Variants in RYR2 observed in about 807,000 individuals in gnomAD.
RYR2 encodes the protein ryanodine receptor 2, also known as cardiac muscle ryanodine receptor-calcium release channel.
A neutral mutation model predicts 601.1 loss-of-function variants in RYR2; 227 were observed. That is an observed-to-expected ratio of 0.38 (90% confidence interval 0.34 to 0.42). RYR2 has a LOEUF of 0.42. RYR2 is among the 10% of genes least tolerant of loss of function. The pLI is 1.00. For synonymous variants in RYR2, 2,223 were observed against 2,175.1 expected (o/e 1.02, Z -0.61); for missense variants, 4,646 against 6,156.5 (o/e 0.75, Z 8.21).
intron 63 of RYR2, among the ~76,000 whole-genome samples, chr1:237,689,806 A>G (rs1483657674): frequency 6.6e-6 from 1 of 151,062 alleles, no homozygotes; most frequent in Admixed American, 6.6e-5. Context: ...TTAATCAAAC[A>G]TCTAGTACAG....
intron 72 of RYR2, among the ~76,000 whole-genome samples, 187 bp downstream of exon 72, chr1:237,717,555 T>C (rs1487865105): frequency 6.6e-6 from 1 of 152,166 alleles, no homozygotes; most frequent in Non-Finnish European, 1.5e-5. Flanking sequence ...TTTTTATTTG[T>C]AAGTTATGTT....
At chr1:237,738,546 A>G (rs1250885288) in intron 79 of RYR2, among the ~76,000 whole-genome samples, 1 of 151,984 alleles carries the variant, frequency 6.6e-6, no homozygotes. Context: ...ATAGATAGAT[A>G]AATTTTCATA....
At chr1:237,815,957 A>C (rs557187074) in intron 100 of RYR2, among the ~76,000 whole-genome samples, 1 of 152,280 alleles carries the variant, frequency 6.6e-6, no homozygotes, top group Non-Finnish European at 1.5e-5. Flanking sequence ...CAAGACCAAG[A>C]GTCTTGGTCA....
At chr1:237,779,872 C>T (rs114890410) in intron 88 of RYR2, among the ~76,000 whole-genome samples, 1,642 of 152,230 alleles carry the variant, frequency 0.011, 17 homozygotes, top group Middle Eastern at 0.02. Flanking sequence ...AGAGAAGGGG[C>T]GAGCAGGAGC....
chr1:237,052,143 G>C (rs1305829164), intron 1 of RYR2, among the ~76,000 whole-genome samples: 3 of 152,276 alleles, frequency 2.0e-5, no homozygotes, highest in Non-Finnish European at 4.4e-5. Context: ...TCTTTTATCT[G>C]TAGCATTATA....
At chr1:237,718,587 A>C (rs1689453567) in intron 73 of RYR2, 66 bp downstream of exon 73, 3 of 748,200 alleles carry the variant, frequency 4.0e-6, no homozygotes, top group Admixed American at 4.3e-5. Flanking sequence ...TCTTTAAAAT[A>C]ATACTATAAA....
chr1:237,396,712 C>T (rs1478118160), intron 10 of RYR2, among the ~76,000 whole-genome samples: 1 of 152,124 alleles, frequency 6.6e-6, no homozygotes. Flanking sequence ...AGGGATTCTT[C>T]AGACAGAAAA....
intron 1 of RYR2, among the ~76,000 whole-genome samples, chr1:237,251,762 C>T (rs949861209): frequency 6.6e-6 from 1 of 152,140 alleles, no homozygotes; most frequent in African/African-American, 2.4e-5. Flanking sequence ...CTTGATATCT[C>T]ACTTGGAAGA....
chr1:237,218,647 A>G (rs1683448115), intron 1 of RYR2, among the ~76,000 whole-genome samples: 1 of 152,128 alleles, frequency 6.6e-6, no homozygotes, highest in Admixed American at 6.5e-5. Context: ...TTGGCATTTG[A>G]GTCTTGAAGT....
In RYR2 at chr1:237,833,145, T is replaced by TA. The variant is rs1421785609; in HGVS notation, c.*499dup. On this transcript the variant is annotated 3_prime_UTR_variant, in exon 105 of 105. Transcript: ENST00000366574. ...TATGTGGGTTGAGCTATGCAGAAGA[T>TA]ACGTGCATGAAAAAACATCTTTATT... 2 of 152,434 alleles carry TA rather than the reference T, an allele frequency of 1.3e-5. No homozygotes were observed. The highest frequency in any genetic ancestry group is 2.1e-4 in the South Asian group (1 of 4,834). The allele number at this position is 152,434 out of a possible 1,614,324, so 9.4% of individuals were successfully genotyped here.
chr1:237,180,640 G>GTA lies in RYR2; in HGVS notation c.49-89853_49-89852dup, dbSNP rs373854756. 1.7e-5 allele frequency among the ~76,000 whole-genome samples: 2 copies of GTA among 121,138 alleles called. No homozygotes were observed. The highest frequency in any genetic ancestry group is 2.9e-5 in the African/African-American group (1 of 34,608). The allele number at this position is 121,138 out of a possible 152,430, so 79.5% of individuals were successfully genotyped here. A position where few individuals can be genotyped will look rare whatever the true frequency, so the allele number is the denominator to read the frequency against. Reference sequence around the variant, plus strand: ...TGTATATATGTATATGTGTATATATGTATATGTATATGTGTATATATGTAT... The same window carrying GTA: ...TGTATATATGTATATGTGTATATATGTATATATGTATATGTGTATATATGTAT... On this transcript the variant is annotated intron_variant, in intron 1 of 104. Coordinates refer to ENST00000366574, the MANE Select transcript of RYR2 (RefSeq NM_001035.3). The surrounding 1 kb of genome is among the most constrained non-coding windows in gnomAD (Gnocchi z 5.3).
At chr1:237,307,203 A>G (rs1459242076) in intron 2 of RYR2, among the ~76,000 whole-genome samples, 1 of 152,238 alleles carries the variant, frequency 6.6e-6, no homozygotes, top group Non-Finnish European at 1.5e-5. Context: ...GGCATTGCAC[A>G]TACGTTTTTT....
At chr1:237,509,561 TGTCTATCATTTATTC>T in intron 23 of RYR2, among the ~76,000 whole-genome samples, 1 of 152,366 alleles carries the variant, frequency 6.6e-6, no homozygotes, top group East Asian at 1.9e-4. Flanking sequence ...AAGGCAGATC[TGTCTATCATTTATTC>T]GTCCCTTTAA....
chr1:237,821,434 G>A (rs1287811728), intron 101 of RYR2, among the ~76,000 whole-genome samples: 2 of 152,106 alleles, frequency 1.3e-5, no homozygotes, highest in African/African-American at 4.8e-5. Flanking sequence ...CAGCAGAGGG[G>A]TCTATTAGAA....
intron 58 of RYR2, among the ~76,000 whole-genome samples, chr1:237,668,269 T>G (rs940164593): frequency 6.6e-6 from 1 of 152,190 alleles, no homozygotes; most frequent in Non-Finnish European, 1.5e-5. Flanking sequence ...TTCCCCAACT[T>G]AAATATCTCC....
rs530375854 is a variant in RYR2 at position 237,473,192 on chromosome 1, G to A, written c.1708+4005G>A. 3.9e-5 allele frequency among the ~76,000 whole-genome samples: 6 copies of A among 152,200 alleles called. No individual in the cohort carries two copies. In the South Asian group the frequency reaches 1.2e-3, roughly 32 times the overall value. Reference sequence around the variant, plus strand: ...TAATCCCAGCACTTTGGGAGGCTGAGGTGGGCAAATCAGCTGAGGTCAGGA... The same window carrying A: ...TAATCCCAGCACTTTGGGAGGCTGAAGTGGGCAAATCAGCTGAGGTCAGGA... On this transcript the variant is annotated intron_variant, in intron 17 of 104. Coordinates refer to ENST00000366574, the MANE Select transcript of RYR2 (RefSeq NM_001035.3).
intron 22 of RYR2, among the ~76,000 whole-genome samples, chr1:237,506,264 G>T (rs934569112): frequency 6.6e-6 from 1 of 151,664 alleles, no homozygotes; most frequent in Non-Finnish European, 1.5e-5. Context: ...AAGGCTGGGC[G>T]CAGTGGCTCA....
In RYR2 at chr1:237,635,577, A is replaced by G. The variant is rs553282372; in HGVS notation, c.6792+585A>G. Among the ~76,000 whole-genome samples the G allele has an allele frequency of 8.1e-4, 124 of 152,320 alleles. 1 individual carries two copies. The highest frequency in any genetic ancestry group is 2.5e-3 in the African/African-American group (104 of 41,576). ...AAACTTTCCCTGTATTGTAGTTGCA[A>G]TAGCATTCCAAGTAGTCACCTGATT... On this transcript the variant is annotated intron_variant, in intron 44 of 104. Transcript: ENST00000366574.
chr1:237,082,183 T>C (rs6662610), intron 1 of RYR2, among the ~76,000 whole-genome samples: 8,349 of 152,182 alleles, frequency 0.055, 792 homozygotes, highest in African/African-American at 0.19. Flanking sequence ...GCGTTCATGT[T>C]ATATTAACTT....
Sources: gnomAD v4.1 joint callset for allele counts (sites outside exome capture counted in the v4.1 genomes callset) on GRCh38, gnomAD v4.1.1 for gene constraint, Gnocchi (gnomAD v3.1) non-coding constraint, MANE v1.5 for transcripts, NCBI Gene and HGNC (gene_info 2026-07-23, HGNC 2026-07-21) for gene names.